EVI5: variants seen among roughly 807,000 people sequenced by gnomAD.
The protein encoded by EVI5 is ecotropic viral integration site 5 protein homolog.
A neutral mutation model predicts 112.0 loss-of-function variants in EVI5; 73 were observed. The observed-to-expected ratio is 0.65, with a 90% CI of 0.54 to 0.79. The LOEUF (loss-of-function observed/expected upper bound fraction) is 0.79. EVI5 is among the 30% of genes least tolerant of loss of function. EVI5 has a pLI of 0.00. For synonymous variants in EVI5, 305 were observed against 319.9 expected (o/e 0.95, Z 0.50); for missense variants, 900 against 968.8 (o/e 0.93, Z 0.94).
intron 18 of EVI5, among the ~76,000 whole-genome samples, chr1:92,569,260 T>C (rs1434862701): frequency 6.6e-6 from 1 of 152,242 alleles, no homozygotes; most frequent in East Asian, 1.9e-4. Context: ...AATACATTTT[T>C]CACCTTAATT....
chr1:92,575,628 G>A (rs1176865631), intron 18 of EVI5, among the ~76,000 whole-genome samples: 1 of 140,662 alleles, frequency 7.1e-6, no homozygotes, highest in Non-Finnish European at 1.5e-5. Flanking sequence ...AGAGTGCAGT[G>A]GCATGATCCT....
Position 92,771,669 on chromosome 1 carries a change from C to T in EVI5, c.-82+13167G>A, listed in dbSNP as rs139532763. ...TCACCCAGGCTGGAGTGCAGTGGCA[C>T]GATCTCGGCTCACCACAATCTCCAC... On this transcript the variant is annotated intron_variant, in intron 1 of 19. Transcript: ENST00000684568. 3.5e-4 allele frequency among the ~76,000 whole-genome samples: 53 copies of T among 151,378 alleles called. 2 individuals are homozygous for T. Among genetic ancestry groups the T allele is most frequent in the African/African-American group, 1.2e-3 (50 of 41,258 alleles).
intron 19 of EVI5, among the ~76,000 whole-genome samples, chr1:92,527,355 C>A (rs1224516043): frequency 2.3e-5 from 3 of 130,404 alleles, no homozygotes; most frequent in Admixed American, 9.3e-5. Flanking sequence ...GTGGAGGTTG[C>A]AATGTGCTGA....
At chr1:92,789,150 T>C (rs1022639819), upstream of EVI5, among the ~76,000 whole-genome samples, 1 of 152,196 alleles carries the variant, frequency 6.6e-6, no homozygotes, top group Admixed American at 6.5e-5. Flanking sequence ...ATTACTCATC[T>C]ACTAGATCGA....
At chr1:92,684,050 AACACCACAAAGAT>A (rs1319246950) in intron 9 of EVI5, among the ~76,000 whole-genome samples, 2 of 152,190 alleles carry the variant, frequency 1.3e-5, no homozygotes, top group Non-Finnish European at 2.9e-5. Context: ...AAAAACAGAG[AACACCACAAAGAT>A]ACTCCTCGAG....
At chr1:92,704,808 G>T (rs2102557847) in intron 2 of EVI5, 64 bp from the exon 3 acceptor site, 1 of 654,752 alleles carries the variant, frequency 1.5e-6, no homozygotes. Context: ...AGGCATTGAT[G>T]ATACTTAGAG....
intron 2 of EVI5, among the ~76,000 whole-genome samples, chr1:92,729,717 A>G (rs1676148075): frequency 6.6e-6 from 1 of 152,228 alleles, no homozygotes; most frequent in African/African-American, 2.4e-5. Context: ...AACATTATAT[A>G]ATAGTTATAT....
chr1:92,670,974 T>C (rs1665780037), intron 10 of EVI5, among the ~76,000 whole-genome samples: 2 of 152,116 alleles, frequency 1.3e-5, no homozygotes, highest in African/African-American at 4.8e-5. Context: ...CCATTCTTAA[T>C]GATAAATTTT....
chr1:92,550,506 T>C (rs1008778164), intron 19 of EVI5, among the ~76,000 whole-genome samples: 3 of 150,320 alleles, frequency 2.0e-5, no homozygotes, highest in African/African-American at 4.9e-5. Flanking sequence ...TAAAAATATA[T>C]ATATATTAAG....
chr1:92,526,247 T>C (rs1021710889), intron 19 of EVI5, among the ~76,000 whole-genome samples: 1 of 152,170 alleles, frequency 6.6e-6, no homozygotes, highest in Non-Finnish European at 1.5e-5. Context: ...TTTGTAGAGA[T>C]GAGGTCTTGA....
At chr1:92,657,198 C>T (rs1278045383) in intron 13 of EVI5, among the ~76,000 whole-genome samples, 2 of 152,116 alleles carry the variant, frequency 1.3e-5, no homozygotes, top group African/African-American at 2.4e-5. Context: ...GTGGGTCATA[C>T]TGCAGGGATG....
chr1:92,736,416 T>C lies in EVI5; in HGVS notation c.131A>G (p.Lys44Arg), dbSNP rs748294903. ...CACTCACCTATTCTGTTCTTCCAGT[T>C]TAGCCAGGAGTTCTAAGTCGTCTGG... ...LSPDDLELLA[K>R]LEEQNRLLET... The change falls in exon 2 of 20, where the codon AAA (lysine) becomes AGA (arginine). Residue 44 changes from lysine to arginine, a missense_variant. By Grantham distance (26) the Lys-to-Arg change is conservative. Transcript: ENST00000684568. 10 of 1,611,104 alleles carry C rather than the reference T, an allele frequency of 6.2e-6. No individual in the cohort carries two copies. The highest frequency in any genetic ancestry group is 8.5e-6 in the Non-Finnish European group (10 of 1,177,356).
At chr1:92,764,743 A>C (rs1001714061) in intron 1 of EVI5, among the ~76,000 whole-genome samples, 1 of 152,230 alleles carries the variant, frequency 6.6e-6, no homozygotes, top group Non-Finnish European at 1.5e-5. Flanking sequence ...TTTCAAGTTA[A>C]TATGTCCAGT....
intron 18 of EVI5, among the ~76,000 whole-genome samples, chr1:92,579,971 C>G (rs1023342834): frequency 6.6e-6 from 1 of 152,114 alleles, no homozygotes; most frequent in Non-Finnish European, 1.5e-5. Flanking sequence ...AACAATGACT[C>G]AGGGAGAAGG....
At chr1:92,596,466 C>G (rs1474516793) in intron 18 of EVI5, among the ~76,000 whole-genome samples, 1 of 152,078 alleles carries the variant, frequency 6.6e-6, no homozygotes, top group African/African-American at 2.4e-5. Context: ...TAGAACACTG[C>G]CTGGTATGTA....
At chr1:92,657,857 C>T (rs1202921933) in intron 13 of EVI5, among the ~76,000 whole-genome samples, 1 of 152,102 alleles carries the variant, frequency 6.6e-6, no homozygotes, top group Non-Finnish European at 1.5e-5. Context: ...GCAGGTATGT[C>T]ACACAGTGAG....
rs200311871 is a variant in EVI5, at chr1:92,510,719, A to G, written c.*2937T>C. ...ATACACAATATTTAAAAGGGTGAGC[A>G]TGGGTGTGCCCCAATAAAACTTTAC... is the stretch of plus-strand genomic sequence containing the variant. On this transcript the variant is annotated 3_prime_UTR_variant, in exon 20 of 20. Transcript: ENST00000684568. The G allele has an allele frequency of 6.6e-6, 1 of 152,266 alleles. No homozygotes were observed. The highest frequency in any genetic ancestry group is 1.5e-5 in the Non-Finnish European group (1 of 68,046). 9.4% of individuals were successfully genotyped at this position (152,266 alleles called of 1,614,324 possible).
intron 1 of EVI5, among the ~76,000 whole-genome samples, chr1:92,779,461 G>A (rs1237968333): frequency 6.6e-6 from 1 of 151,924 alleles, no homozygotes; most frequent in Non-Finnish European, 1.5e-5. Context: ...GATGGTGGCT[G>A]CAGTGAGCCG....
intron 10 of EVI5, among the ~76,000 whole-genome samples, chr1:92,675,937 TA>T (rs1188084251): frequency 1.6e-5 from 2 of 125,476 alleles, no homozygotes; most frequent in Admixed American, 2.1e-4. Flanking sequence ...GCCTGGGCGA[TA>T]CAGCGAGACT....
Sources: gnomAD v4.1 joint callset for allele counts (sites outside exome capture counted in the v4.1 genomes callset) on GRCh38, gnomAD v4.1.1 for gene constraint, MANE v1.5 for transcripts, NCBI Gene and HGNC (gene_info 2026-07-23, HGNC 2026-07-21) for gene names.